SGCZ: variants seen among roughly 807,000 people sequenced by gnomAD.
The protein encoded by SGCZ is sarcoglycan zeta, also known as zeta-sarcoglycan.
A neutral mutation model predicts 41.3 loss-of-function variants in SGCZ; 40 were observed. The ratio of observed to expected loss-of-function variants is 0.97; its 90% CI spans 0.75 to 1.26. The LOEUF (loss-of-function observed/expected upper bound fraction) is 1.26. SGCZ is among the 50% of genes most tolerant of loss of function. The pLI, the probability that SGCZ is intolerant of heterozygous loss-of-function variation, is 0.00. For synonymous variants in SGCZ, 206 were observed against 137.5 expected, an observed-to-expected ratio of 1.50 and a Z score of -3.49; for missense variants, 552 against 369.8, an observed-to-expected ratio of 1.49 and a Z score of -4.04.
At chr8:14,103,443 C>T (rs530735830) in intron 6 of SGCZ, among the ~76,000 whole-genome samples, 2 of 152,238 alleles carry the variant, frequency 1.3e-5, no homozygotes, top group South Asian at 4.2e-4. Flanking sequence ...TCCCCTCGGG[C>T]TCACATTCAC....
In SGCZ at chr8:14,949,709, T is replaced by C. The variant is rs532015414; in HGVS notation, c.39+287876A>G. Among the ~76,000 whole-genome samples the C allele has an allele frequency of 3.3e-5, 5 of 152,220 alleles. No homozygotes were observed. The East Asian group carries it at 9.7e-4, about 29-fold the overall frequency. ...GCAAACAAATTATCTTTTTGGATTA[T>C]CTCTACTCAATGTTTTAACAATATG... On this transcript the variant is annotated intron_variant, in intron 1 of 7. Transcript: ENST00000382080.
intron 1 of SGCZ, among the ~76,000 whole-genome samples, chr8:15,076,936 A>G (rs1805555019): frequency 6.6e-6 from 1 of 152,138 alleles, no homozygotes; most frequent in African/African-American, 2.4e-5. Flanking sequence ...CTTCATGTCA[A>G]TTGATTGGGA....
chr8:15,145,679 T>A (rs753346043), intron 1 of SGCZ, among the ~76,000 whole-genome samples: 1 of 152,100 alleles, frequency 6.6e-6, no homozygotes, highest in Non-Finnish European at 1.5e-5. Context: ...GGTCTCAAAC[T>A]CCTAGGCTCA....
Position 15,181,950 on chromosome 8 carries a change from A to T in SGCZ, c.39+55635T>A, listed in dbSNP as rs528489094. ...CTTTCAATTTTTGAACCTGTGTTAC[A>T]TCTTATGCAGTGAGAAAAAGTCCTC... On this transcript the variant is annotated intron_variant, in intron 1 of 7. Coordinates refer to ENST00000382080, the MANE Select transcript of SGCZ (RefSeq NM_139167.4). Among the ~76,000 whole-genome samples the T allele has an allele frequency of 7.2e-5, 11 of 152,298 alleles. 1 individual carries two copies. The East Asian group carries it at 2.1e-3, about 29-fold the overall frequency.
At chr8:14,270,569 G>T (rs1416468971) in intron 3 of SGCZ, among the ~76,000 whole-genome samples, 3 of 152,044 alleles carry the variant, frequency 2.0e-5, no homozygotes, top group Admixed American at 1.3e-4. Context: ...ATTCCCTGAA[G>T]GGATTTAATA....
intron 2 of SGCZ, among the ~76,000 whole-genome samples, chr8:14,504,356 G>C (rs1330580376): frequency 6.6e-6 from 1 of 152,166 alleles, no homozygotes; most frequent in East Asian, 1.9e-4. Context: ...ATTCTGATTA[G>C]TTATCTGCTC....
At chr8:14,131,933 C>T (rs1479791575) in intron 5 of SGCZ, among the ~76,000 whole-genome samples, 1 of 151,998 alleles carries the variant, frequency 6.6e-6, no homozygotes, top group Non-Finnish European at 1.5e-5. Flanking sequence ...AGTAGGCTGT[C>T]CCATCTAGGG....
chr8:14,412,591 C>A (rs1585474781), intron 2 of SGCZ, among the ~76,000 whole-genome samples: 1 of 152,062 alleles, frequency 6.6e-6, no homozygotes, highest in Non-Finnish European at 1.5e-5. Context: ...CTTTAAGGAA[C>A]TACACAACAG....
intron 1 of SGCZ, among the ~76,000 whole-genome samples, chr8:15,165,132 A>C (rs888479145): frequency 6.6e-6 from 1 of 152,170 alleles, no homozygotes; most frequent in East Asian, 1.9e-4. Flanking sequence ...TCTAATAAAA[A>C]TACAAAAATT....
intron 2 of SGCZ, among the ~76,000 whole-genome samples, chr8:14,395,423 A>G (rs1798884294): frequency 1.3e-5 from 2 of 152,188 alleles, no homozygotes; most frequent in African/African-American, 4.8e-5. Context: ...ATTTAAAAAG[A>G]GACTATTGCA....
rs146861450 is a variant in SGCZ at position 15,101,070 on chromosome 8, T to C, written c.39+136515A>G. Among the ~76,000 whole-genome samples, 238 of 152,262 alleles carry C rather than the reference T, an allele frequency of 1.6e-3. 2 individuals carry two copies. The highest frequency in any genetic ancestry group is 6.8e-3 in the Middle Eastern group (2 of 294). On this transcript the variant is annotated intron_variant, in intron 1 of 7. Coordinates refer to ENST00000382080, the MANE Select transcript of SGCZ (RefSeq NM_139167.4). The stretch of plus-strand genomic sequence containing the variant: ...AAACATCCACATGCAAAATTGAATC[T>C]AGACATACGACTTATACTTTTCATA...
intron 1 of SGCZ, among the ~76,000 whole-genome samples, chr8:14,948,907 CT>C (rs1563384308): frequency 6.6e-6 from 1 of 151,582 alleles, no homozygotes; most frequent in Non-Finnish European, 1.5e-5. Flanking sequence ...CAAAATTCCC[CT>C]TGAAAGCCAG....
chr8:14,761,571 G>A (rs1799876867), intron 1 of SGCZ, among the ~76,000 whole-genome samples: 1 of 145,052 alleles, frequency 6.9e-6, no homozygotes, highest in Non-Finnish European at 1.5e-5. Flanking sequence ...TCTCCCTGTC[G>A]CCCAGACTGG....
At chr8:15,159,467 A>C (rs934806551) in intron 1 of SGCZ, among the ~76,000 whole-genome samples, 3 of 152,118 alleles carry the variant, frequency 2.0e-5, no homozygotes, top group Non-Finnish European at 2.9e-5. Context: ...TGGCATCCAA[A>C]GCTGGGGAGC....
rs146039054 is a variant in SGCZ, at chr8:14,733,764, T to C, written c.40-178838A>G. On this transcript the variant is annotated intron_variant, in intron 1 of 7. Transcript: ENST00000382080. ...CAGTCATACATTTTAAATGGTTCCA[T>C]AAGAAGCCACAGACCTCAGGGTTAA... is the stretch of plus-strand genomic sequence containing the variant. Among the ~76,000 whole-genome samples the C allele has an allele frequency of 1.1e-3, 175 of 152,334 alleles. 2 individuals carry two copies. The highest frequency in any genetic ancestry group is 4.1e-3 in the African/African-American group (169 of 41,590).
At chr8:15,173,518 G>A (rs7840960) in intron 1 of SGCZ, among the ~76,000 whole-genome samples, 55,472 of 151,892 alleles carry the variant, frequency 0.37, 11,434 homozygotes, top group Non-Finnish European at 0.45. Flanking sequence ...CATATTAAAT[G>A]GAGGAGTGCC....
chr8:14,314,718 C>T (rs111240297), intron 3 of SGCZ, among the ~76,000 whole-genome samples: 9 of 152,104 alleles, frequency 5.9e-5, no homozygotes, highest in African/African-American at 1.4e-4. Flanking sequence ...CACAAATTTG[C>T]ATAAAGATTT....
At chr8:14,347,833 T>A (rs909642812) in intron 2 of SGCZ, among the ~76,000 whole-genome samples, 5 of 152,250 alleles carry the variant, frequency 3.3e-5, no homozygotes, top group African/African-American at 1.2e-4. Flanking sequence ...ATTCTATTCA[T>A]ACACCAAAGA....
At chr8:14,749,845 A>T (rs1799447731) in intron 1 of SGCZ, among the ~76,000 whole-genome samples, 2 of 152,168 alleles carry the variant, frequency 1.3e-5, no homozygotes, top group Non-Finnish European at 2.9e-5. Context: ...AACACATTTT[A>T]TCCTTGAAAT....
Sources: allele counts gnomAD v4.1 joint callset (sites outside exome capture counted in the v4.1 genomes callset), GRCh38; gene constraint gnomAD v4.1.1; transcripts MANE v1.5; gene names NCBI Gene and HGNC (gene_info 2026-07-23, HGNC 2026-07-21).